The following SLC1A6 variants were observed in gnomAD, a reference collection of about 807,000 sequenced individuals.
SLC1A6 encodes solute carrier family 1 member 6.
Under a neutral mutation model 42.1 loss-of-function variants are expected in SLC1A6, and 15 were observed. That is an observed-to-expected ratio of 0.36 (90% CI 0.24 to 0.55). SLC1A6 has a LOEUF of 0.55. Among genes scored for constraint, SLC1A6 ranks in the 20% least tolerant of loss-of-function variants. SLC1A6 has a pLI of 0.88. For synonymous variants in SLC1A6, 317 were observed against 319.7 expected, an observed-to-expected ratio of 0.99 and a Z score of 0.09; for missense variants, 542 against 772.5, an observed-to-expected ratio of 0.70 and a Z score of 3.54.
intron 2 of SLC1A6, 80 bp from the exon 3 acceptor site, chr19:14,971,954 T>A: frequency 1.4e-6 from 2 of 1,468,358 alleles, no homozygotes; most frequent in Non-Finnish European, 1.9e-6. Context: ...CCAAGAAGGG[T>A]AGGGCAAGGG....
At chr19:15,001,306 GGTGGT>G (rs1004689853) in intron 1 of SLC1A6, among the ~76,000 whole-genome samples, 23 of 152,170 alleles carry the variant, frequency 1.5e-4, no homozygotes, top group African/African-American at 5.3e-4. Flanking sequence ...CGTATAGCCC[GGTGGT>G]GTGAGACCTC....
intron 1 of SLC1A6, among the ~76,000 whole-genome samples, chr19:14,994,438 C>T (rs560620035): frequency 6.6e-6 from 1 of 152,226 alleles, no homozygotes; most frequent in Non-Finnish European, 1.5e-5. Flanking sequence ...GCTGACTGCT[C>T]CACGTAACTG....
rs565832820 is a variant in SLC1A6 at position 14,959,977 on chromosome 19, A to G, written c.935+2025T>C. 7.9e-5 allele frequency among the ~76,000 whole-genome samples: 12 copies of G among 152,282 alleles called. No homozygotes were observed. The East Asian group carries it at 2.3e-3, about 29-fold the overall frequency. ...ATCTACAATGTGTCTGTCTCCCCTA[A>G]GATTTTGTGAGCTTGTTGAGGACAA... is the stretch of plus-strand genomic sequence containing the variant. On this transcript the variant is annotated intron_variant, in intron 6 of 9. Transcript: ENST00000594383.
rs773416373 is a variant in SLC1A6 at position 14,951,273 on chromosome 19, A to AAAG, written c.1500-884_1500-883insCTT. ...TCTCACAAAAAAAAAAAAAAAAAAA[A>AAAG]AAAAAGAAAGAAAAGAAAAAAATGA... On this transcript the variant is annotated intron_variant, in intron 9 of 9. Transcript: ENST00000594383. Among the ~76,000 whole-genome samples, 107 of 99,760 alleles carry AAAG rather than the reference A, an allele frequency of 1.1e-3. 2 individuals carry two copies. The highest frequency in any genetic ancestry group is 3.8e-3 in the African/African-American group (103 of 27,182). The allele number at this position is 99,760 out of a possible 152,430, so 65.4% of individuals were successfully genotyped here.
At chr19:15,003,641 G>C (rs1187261797) in intron 1 of SLC1A6, among the ~76,000 whole-genome samples, 1 of 145,302 alleles carries the variant, frequency 6.9e-6, no homozygotes, top group African/African-American at 2.5e-5. Context: ...TCACAGCGAA[G>C]GGCATCTCCA....
In SLC1A6 at chr19:14,997,764, C is replaced by A. The variant is rs1032667569; in HGVS notation, c.6+12721G>T. The stretch of plus-strand genomic sequence containing the variant: ...TCACAGCAAATTGTCTGGTTGAAAG[C>A]CACAGGAATTTATTCTCACACAGTC... On this transcript the variant is annotated intron_variant, in intron 1 of 8. Transcript: ENST00000430939. 3.3e-5 allele frequency among the ~76,000 whole-genome samples: 5 copies of A among 152,124 alleles called. No individual in the cohort carries two copies. In the East Asian group the frequency reaches 7.7e-4, roughly 23 times the overall value.
intron 1 of SLC1A6, chr19:14,973,929 A>C (rs2045674156): frequency 6.6e-6 from 1 of 152,374 alleles, no homozygotes; most frequent in Non-Finnish European, 1.5e-5. Context: ...AATGATAATG[A>C]TTCTTGGCCA....
chr19:14,989,521 A>T (rs2045808570), intron 1 of SLC1A6, among the ~76,000 whole-genome samples: 1 of 151,892 alleles, frequency 6.6e-6, no homozygotes, highest in Admixed American at 6.6e-5. Context: ...TCGGCCTCCC[A>T]AAGTGTGGAA....
chr19:14,966,978 G>T (rs2045581179), intron 4 of SLC1A6, among the ~76,000 whole-genome samples: 1 of 152,074 alleles, frequency 6.6e-6, no homozygotes, highest in Admixed American at 6.6e-5. Context: ...AAACCACCAT[G>T]GCGCATGTAT....
At chr19:14,975,677 C>T (rs2045696630) in intron 1 of SLC1A6, among the ~76,000 whole-genome samples, 1 of 150,672 alleles carries the variant, frequency 6.6e-6, no homozygotes, top group Non-Finnish European at 1.5e-5. Context: ...GCTTTGAACC[C>T]AGGAGGCAGA....
At chr19:14,988,718 C>T (rs1385632614) in intron 1 of SLC1A6, among the ~76,000 whole-genome samples, 1 of 152,124 alleles carries the variant, frequency 6.6e-6, no homozygotes, top group East Asian at 1.9e-4. Context: ...AACTCAGAAA[C>T]AGAAAGTCAA....
intron 6 of SLC1A6, among the ~76,000 whole-genome samples, chr19:14,959,673 T>A (rs1414825294): frequency 6.6e-6 from 1 of 152,194 alleles, no homozygotes; most frequent in Admixed American, 6.5e-5. Context: ...ACTTACCCCA[T>A]GCTCTCACCT....
upstream of SLC1A6, among the ~76,000 whole-genome samples, chr19:14,983,719 C>CAAAAAAAAA (rs56657572): frequency 1.9e-5 from 1 of 52,280 alleles, no homozygotes; most frequent in Non-Finnish European, 3.6e-5. Context: ...ACAACAACAC[C>CAAAAAAAAA]AAAAAAAAAA....
At chr19:15,005,155 G>T (rs2045890015) in intron 1 of SLC1A6, among the ~76,000 whole-genome samples, 1 of 151,878 alleles carries the variant, frequency 6.6e-6, no homozygotes, top group African/African-American at 2.4e-5. Flanking sequence ...AGCTACCCAG[G>T]AGGCTGAGGC....
At chr19:14,976,607 C>T (rs1191921407) in intron 1 of SLC1A6, among the ~76,000 whole-genome samples, 4 of 152,126 alleles carry the variant, frequency 2.6e-5, no homozygotes, top group African/African-American at 9.7e-5. Flanking sequence ...TGGTCTCGAA[C>T]TCCTGACCTC....
At position 14,953,041 on chromosome 19, in the gene SLC1A6, A is replaced by G; in HGVS notation, c.1386T>C (p.Ser462=). The change falls in exon 9 of 10, where the codon AGT becomes AGC. Residue 462 remains serine, a synonymous_variant. Transcript: ENST00000594383. ...TTISITATAA[S]VGAAGIPQAG... is the part of the protein sequence containing the mutation. ...CCTGGGGGATGCCAGCAGCCCCAAC[A>G]CTGGCTGCTGTGGCCGTGATGCTGC... The G allele has an allele frequency of 3.7e-6, 6 of 1,613,614 alleles. No individual in the cohort carries two copies. The highest frequency in any genetic ancestry group is 4.2e-6 in the Non-Finnish European group (5 of 1,179,750).
chr19:14,968,949 GC>G lies in SLC1A6; in HGVS notation c.344-443del, dbSNP rs549020381. Among the ~76,000 whole-genome samples, 409 of 151,938 alleles carry G rather than the reference GC, an allele frequency of 2.7e-3. 1 individual carries two copies. The highest frequency in any genetic ancestry group is 8.9e-3 in the African/African-American group (370 of 41,402). On this transcript the variant is annotated intron_variant, in intron 3 of 9. Transcript: ENST00000594383. ...CCATCTCCCCAGTTCAAACAATTCT[GC>G]TGCCTCAGCCTTCCGAGTGGCTGGG...
At chr19:14,987,840 G>A (rs1271100727) in intron 1 of SLC1A6, among the ~76,000 whole-genome samples, 3 of 152,068 alleles carry the variant, frequency 2.0e-5, no homozygotes, top group Non-Finnish European at 2.9e-5. Context: ...CTGCCTTTTC[G>A]GTTTTGGCTT....
intron 1 of SLC1A6, among the ~76,000 whole-genome samples, chr19:14,999,858 A>G (rs2045864685): frequency 6.6e-6 from 1 of 152,102 alleles, no homozygotes. Context: ...GTTTTTTATT[A>G]TTATACTTTA....
Sources: gnomAD v4.1 joint callset for allele counts (sites outside exome capture counted in the v4.1 genomes callset) on GRCh38, gnomAD v4.1.1 for gene constraint, MANE v1.5 for transcripts, NCBI Gene and HGNC (gene_info 2026-07-23, HGNC 2026-07-21) for gene names.